STX3: variants seen among roughly 807,000 people sequenced by gnomAD.
STX3 encodes syntaxin 3, also known as syntaxin-3.
A neutral mutation model predicts 40.2 loss-of-function variants in STX3; 19 were observed. The ratio of observed to expected loss-of-function variants is 0.47; its 90% CI spans 0.33 to 0.69. The LOEUF (loss-of-function observed/expected upper bound fraction) is 0.69, where lower values mean the gene tolerates loss of function less well. Among genes scored for constraint, STX3 ranks in the 30% least tolerant of loss-of-function variants. The pLI, the probability that STX3 is intolerant of heterozygous loss-of-function variation, is 0.02. For synonymous variants in STX3, 122 were observed against 132.2 expected, an observed-to-expected ratio of 0.92 and a Z score of 0.53; for missense variants, 364 against 366.7, an observed-to-expected ratio of 0.99 and a Z score of 0.06.
intron 1 of STX3, among the ~76,000 whole-genome samples, chr11:59,772,463 A>G (rs1348889486): frequency 6.6e-6 from 1 of 152,216 alleles, no homozygotes; most frequent in Admixed American, 6.5e-5. Context: ...TCTTTCTTAT[A>G]AACAGGAGCT....
chr11:59,791,121 A>G (rs1020271704), intron 5 of STX3, among the ~76,000 whole-genome samples: 20 of 152,218 alleles, frequency 1.3e-4, no homozygotes, highest in African/African-American at 4.1e-4. Flanking sequence ...AGGCTGGGCC[A>G]GAGTGCCAAC....
chr11:59,788,590 A>G (rs1043690914), intron 3 of STX3, among the ~76,000 whole-genome samples: 1 of 152,094 alleles, frequency 6.6e-6, no homozygotes, highest in Admixed American at 6.5e-5. Flanking sequence ...CCACAATTTT[A>G]TGTGCTGCAG....
At chr11:59,769,637 G>A (rs1863463700) in intron 1 of STX3, among the ~76,000 whole-genome samples, 2 of 152,084 alleles carry the variant, frequency 1.3e-5, no homozygotes, top group South Asian at 2.1e-4. Context: ...GTGGATGTGG[G>A]GAATCCCTGT....
chr11:59,790,164 A>C (rs573391839), intron 4 of STX3, among the ~76,000 whole-genome samples: 3 of 152,292 alleles, frequency 2.0e-5, no homozygotes, highest in Non-Finnish European at 4.4e-5. Context: ...TCTTCACATT[A>C]GTATTGTGAG....
At chr11:59,762,437 A>C (rs1863083985) in intron 1 of STX3, among the ~76,000 whole-genome samples, 1 of 152,218 alleles carries the variant, frequency 6.6e-6, no homozygotes, top group Non-Finnish European at 1.5e-5. Context: ...CTAGGGATTA[A>C]CTGTCATGGT....
intron 2 of STX3, among the ~76,000 whole-genome samples, chr11:59,786,226 T>C (rs538538942): frequency 1.6e-4 from 25 of 151,808 alleles, no homozygotes; most frequent in African/African-American, 5.8e-4. Context: ...TTGTTTTCTT[T>C]ATCTGTTTCT....
chr11:59,755,705 C>G, intron 1 of STX3, 70 bp downstream of exon 1: 1 of 1,475,044 alleles, frequency 6.8e-7, no homozygotes, highest in East Asian at 2.7e-5. Flanking sequence ...CCTTTGCTCC[C>G]CAAGTCGAGG....
At chr11:59,772,102 G>A (rs1048797934) in intron 1 of STX3, among the ~76,000 whole-genome samples, 5 of 152,220 alleles carry the variant, frequency 3.3e-5, no homozygotes, top group Admixed American at 2.6e-4. Context: ...GCTTCTGGTG[G>A]CATTCATTGC....
At chr11:59,778,591 T>C (rs1184754522) in intron 2 of STX3, among the ~76,000 whole-genome samples, 1 of 152,100 alleles carries the variant, frequency 6.6e-6, no homozygotes, top group Non-Finnish European at 1.5e-5. Context: ...TCAGTGAAAA[T>C]GCGTTGTCAC....
intron 2 of STX3, among the ~76,000 whole-genome samples, chr11:59,779,224 G>C (rs1864194512): frequency 6.6e-6 from 1 of 152,200 alleles, no homozygotes; most frequent in Admixed American, 6.5e-5. Flanking sequence ...ATAAGAATGT[G>C]TTTCCTACAG....
rs1417802888 is a variant in STX3 at position 59,803,327 on chromosome 11, CCTT to C, written c.*2507_*2509del. ...TGAGCCATCTGTGGGGAGGGTCAGACCTTCTTTCACTGACTTGAAACCTTTGTG... is the reference window on the plus strand; with the variant it reads ...TGAGCCATCTGTGGGGAGGGTCAGACCTTTCACTGACTTGAAACCTTTGTG... On this transcript the variant is annotated 3_prime_UTR_variant, in exon 11 of 11. Transcript: ENST00000337979. The C allele has an allele frequency of 1.6e-6, 2 of 1,219,822 alleles. No individual in the cohort carries two copies. Among genetic ancestry groups the C allele is most frequent in the South Asian group, 4.2e-5 (1 of 24,088 alleles). The allele number at this position is 1,219,822 out of a possible 1,614,324, so 75.6% of individuals were successfully genotyped here.
intron 2 of STX3, 118 bp from the exon 3 acceptor site, chr11:59,786,916 ATCT>A (rs1864814573): frequency 1.3e-6 from 1 of 771,238 alleles, no homozygotes; most frequent in Admixed American, 2.5e-5. Context: ...TTAAGTCATT[ATCT>A]TCTTCCACAA....
At chr11:59,760,923 A>G (rs1351747008) in intron 1 of STX3, among the ~76,000 whole-genome samples, 1 of 152,126 alleles carries the variant, frequency 6.6e-6, no homozygotes, top group Non-Finnish European at 1.5e-5. Context: ...AGGGCCTAGC[A>G]CTCTGCATGG....
intron 1 of STX3, among the ~76,000 whole-genome samples, chr11:59,766,515 C>A (rs1457397160): frequency 6.6e-6 from 1 of 152,220 alleles, no homozygotes; most frequent in East Asian, 1.9e-4. Flanking sequence ...ATTGGCTCCC[C>A]ACTCCCTGAG....
Position 59,802,608 on chromosome 11 carries a change from C to T in STX3, c.*1784C>T, listed in dbSNP as rs1865931013. The T allele has an allele frequency of 1.0e-6, 1 of 985,720 alleles. No individual in the cohort carries two copies. Among genetic ancestry groups the T allele is most frequent in the East Asian group, 1.1e-4 (1 of 8,832 alleles). 61.1% of individuals were successfully genotyped at this position (985,720 alleles called of 1,614,324 possible). A position where few individuals can be genotyped will look rare whatever the true frequency, so the allele number is the denominator to read the frequency against. On this transcript the variant is annotated 3_prime_UTR_variant, in exon 11 of 11. Coordinates refer to ENST00000337979, the MANE Select transcript of STX3 (RefSeq NM_004177.5). The stretch of plus-strand genomic sequence containing the variant: ...CTGGGGCTTACAGTTTGGAATACAA[C>T]ATGTGAAGGTTTTTGTTGTTGTTTG...
chr11:59,784,222 T>G (rs1864610327), intron 2 of STX3, among the ~76,000 whole-genome samples: 2 of 152,248 alleles, frequency 1.3e-5, no homozygotes, highest in South Asian at 4.1e-4. Flanking sequence ...ATGAGAGAAT[T>G]TCTGTGACAA....
At chr11:59,793,548 G>T in intron 8 of STX3, 34 bp downstream of exon 8, 1 of 1,599,860 alleles carries the variant, frequency 6.3e-7, no homozygotes, top group South Asian at 1.1e-5. Flanking sequence ...TGGGGAGGGA[G>T]GAGAGGAAAG....
intron 8 of STX3, 40 bp downstream of exon 8, chr11:59,793,554 G>A (rs765375527): frequency 2.7e-5 from 43 of 1,597,232 alleles, no homozygotes; most frequent in Non-Finnish European, 3.5e-5. Flanking sequence ...GGGAGGAGAG[G>A]AAAGCTCAGG....
chr11:59,783,081 A>G (rs1405031666), intron 2 of STX3, among the ~76,000 whole-genome samples: 2 of 152,212 alleles, frequency 1.3e-5, no homozygotes, highest in Non-Finnish European at 2.9e-5. Flanking sequence ...TGATTTAAAA[A>G]AAAACACTTT....
Sources: allele counts gnomAD v4.1 joint callset (sites outside exome capture counted in the v4.1 genomes callset), GRCh38; gene constraint gnomAD v4.1.1; transcripts MANE v1.5; gene names NCBI Gene and HGNC (gene_info 2026-07-23, HGNC 2026-07-21).